Variants in PUM1 observed in about 807,000 individuals in gnomAD.
PUM1 encodes the protein pumilio homolog 1.
A neutral mutation model predicts 131.8 loss-of-function variants in PUM1; 13 were observed. The ratio of observed to expected loss-of-function variants is 0.10; its 90% CI spans 0.06 to 0.16. The LOEUF is 0.16. Among genes scored for constraint, PUM1 ranks in the 10% least tolerant of loss-of-function variants. The pLI is 1.00. For synonymous variants in PUM1, 509 were observed against 556.5 expected (o/e 0.91, Z 1.20); for missense variants, 961 against 1,512.4 (o/e 0.64, Z 6.05).
At chr1:31,013,822 G>A (rs766436760) in intron 3 of PUM1, among the ~76,000 whole-genome samples, 1 of 152,172 alleles carries the variant, frequency 6.6e-6, no homozygotes, top group Non-Finnish European at 1.5e-5. Flanking sequence ...ACAGACTGTT[G>A]TTGTGAAATC....
At chr1:31,062,449 G>A (rs913314397) in intron 1 of PUM1, among the ~76,000 whole-genome samples, 4 of 151,856 alleles carry the variant, frequency 2.6e-5, no homozygotes, top group African/African-American at 7.3e-5. Flanking sequence ...CTGAAACCCC[G>A]TCTCTACTAA....
intron 18 of PUM1, among the ~76,000 whole-genome samples, chr1:30,944,177 AT>A (rs1288494426): frequency 6.6e-6 from 1 of 152,284 alleles, no homozygotes; most frequent in East Asian, 1.9e-4. Flanking sequence ...GTGATCAACC[AT>A]TGTGGTCATT....
At chr1:30,967,112 C>T (rs972390425) in intron 12 of PUM1, 55 bp downstream of exon 12, 6 of 1,599,608 alleles carry the variant, frequency 3.8e-6, no homozygotes, top group Admixed American at 1.7e-5. Flanking sequence ...AAGAATCTCA[C>T]TATCAGTCGC....
intron 3 of PUM1, among the ~76,000 whole-genome samples, chr1:31,013,837 G>A (rs1484480179): frequency 2.0e-5 from 3 of 152,170 alleles, no homozygotes; most frequent in Non-Finnish European, 2.9e-5. Context: ...GAAATCAAGT[G>A]AGATAGTATA....
chr1:31,048,948 G>A (rs563931140), intron 2 of PUM1, among the ~76,000 whole-genome samples: 9 of 152,242 alleles, frequency 5.9e-5, no homozygotes, highest in East Asian at 1.9e-4. Context: ...GCTCACGCCT[G>A]TAATCCTAGT....
intron 3 of PUM1, among the ~76,000 whole-genome samples, chr1:31,008,278 A>G (rs966260213): frequency 6.6e-6 from 1 of 152,038 alleles, no homozygotes; most frequent in Non-Finnish European, 1.5e-5. Flanking sequence ...ATTTTCATCT[A>G]CCTTTAAGTG....
chr1:30,974,828 G>T, intron 9 of PUM1, 26 bp from the exon 10 acceptor site: 1 of 1,591,004 alleles, frequency 6.3e-7, no homozygotes, highest in South Asian at 1.1e-5. Context: ...GAAAGGTAAA[G>T]AAAGTCTGAA....
intron 2 of PUM1, among the ~76,000 whole-genome samples, chr1:31,056,621 T>C (rs1207083491): frequency 4.9e-5 from 5 of 101,228 alleles, no homozygotes; most frequent in Admixed American, 2.3e-4. Context: ...TTTTTTTTTT[T>C]TTTTTTTTTT....
chr1:31,006,252 A>AGCTTATCTGGTTTAACTAGCT (rs1642398291), intron 4 of PUM1, among the ~76,000 whole-genome samples: 1 of 152,216 alleles, frequency 6.6e-6, no homozygotes, highest in Admixed American at 6.5e-5. Context: ...CAGTTTATCT[A>AGCTTATCTGGTTTAACTAGCT]GCTTATCTGG....
In PUM1 at chr1:31,059,361, A is replaced by G. The variant is rs769044657; in HGVS notation, c.206T>C (p.Ile69Thr). ...GTHSSPVPGSIGVAGRSQDDA... is the reference protein window; with the variant it reads ...GTHSSPVPGSTGVAGRSQDDA... ...GTCCTGGGAACGGCCTGCAACTCCT[A>G]TAGATCCTGGGACAGGGCTGGAGTG... The change falls in exon 2 of 22, where the codon ATA becomes ACA. Residue 69 changes from isoleucine (I) to threonine (T), a missense_variant. By Grantham distance (89) the Ile-to-Thr change is moderately conservative (BLOSUM62 -1). This residue lies in a region of PUM1 where 654 missense variants were observed against 923.9 expected (regional missense o/e 0.71). Coordinates refer to ENST00000426105, the MANE Select transcript of PUM1 (RefSeq NM_001020658.2). The G allele has an allele frequency of 3.7e-6, 6 of 1,614,036 alleles. No homozygotes were observed. The South Asian group carries it at 5.5e-5, about 15-fold the overall frequency.
At chr1:31,057,753 A>G (rs1644278713) in intron 2 of PUM1, among the ~76,000 whole-genome samples, 1 of 148,212 alleles carries the variant, frequency 6.7e-6, no homozygotes, top group Non-Finnish European at 1.5e-5. Flanking sequence ...AAAAACAACT[A>G]TGGTTCACTT....
chr1:31,038,428 TC>T (rs1389637492), intron 2 of PUM1, among the ~76,000 whole-genome samples: 1 of 152,202 alleles, frequency 6.6e-6, no homozygotes, highest in Non-Finnish European at 1.5e-5. Context: ...GACACTACTT[TC>T]TACACTCTCC....
rs552693135 is a variant in PUM1 at position 30,948,600 on chromosome 1, C to T, written c.2856+1527G>A. On this transcript the variant is annotated intron_variant, in intron 17 of 21. Transcript: ENST00000426105. ...ACCCCATCTCTACCAAAAATACACA[C>T]ATTAACCAGGGGAAGTGGCGTATGC... Among the ~76,000 whole-genome samples, 11 of 152,190 alleles carry T rather than the reference C, an allele frequency of 7.2e-5. No homozygotes were observed. The South Asian group carries it at 2.3e-3, about 32-fold the overall frequency.
rs139870523 is a variant in PUM1, at chr1:30,940,031, C to G, written c.3242+1120G>C. Among the ~76,000 whole-genome samples, 240 of 152,184 alleles carry G rather than the reference C, an allele frequency of 1.6e-3. 1 individual carries two copies. The highest frequency in any genetic ancestry group is 5.7e-3 in the African/African-American group (237 of 41,498). ...GATCCCCATTCCTCAGTCCTGGCAACCGGTCAAAAGGAACCCCCCAAAACA... is the reference window on the plus strand; with the variant it reads ...GATCCCCATTCCTCAGTCCTGGCAAGCGGTCAAAAGGAACCCCCCAAAACA... On this transcript the variant is annotated intron_variant, in intron 20 of 21. Coordinates refer to ENST00000426105, the MANE Select transcript of PUM1 (RefSeq NM_001020658.2).
intron 3 of PUM1, among the ~76,000 whole-genome samples, chr1:31,021,956 A>G (rs1643043251): frequency 6.6e-6 from 1 of 152,154 alleles, no homozygotes; most frequent in Admixed American, 6.5e-5. Flanking sequence ...ATCTAAAAAA[A>G]AAAGGCATCA....
intron 1 of PUM1, among the ~76,000 whole-genome samples, chr1:31,064,820 G>A (rs1342764811): frequency 7.9e-6 from 1 of 126,800 alleles, no homozygotes; most frequent in Non-Finnish European, 1.6e-5. Flanking sequence ...TTCCTCACTT[G>A]ACGTGGGAAT....
chr1:31,049,692 T>C (rs1379177444), intron 2 of PUM1, among the ~76,000 whole-genome samples: 1 of 151,762 alleles, frequency 6.6e-6, no homozygotes, highest in Non-Finnish European at 1.5e-5. Context: ...AAAAATAAAA[T>C]TAAATTTAAA....
At chr1:30,958,396 A>G (rs2124426428) in intron 14 of PUM1, among the ~76,000 whole-genome samples, 1 of 152,344 alleles carries the variant, frequency 6.6e-6, no homozygotes, top group East Asian at 1.9e-4. Flanking sequence ...TTTCTGAAGT[A>G]ATGAACAACC....
Position 30,966,166 on chromosome 1 carries a change from C to T in PUM1, c.1902G>A (p.Gln634=), listed in dbSNP as rs1248279100. 6.2e-7 allele frequency: 1 copy of T among 1,614,102 alleles called. No homozygotes were observed. Among genetic ancestry groups the T allele is most frequent in the East Asian group, 2.2e-5 (1 of 44,878 alleles). Residue 634 remains glutamine, a synonymous_variant, in exon 13 of 22, where the codon CAG becomes CAA. Coordinates refer to ENST00000426105, the MANE Select transcript of PUM1 (RefSeq NM_001020658.2). ...GTQQPQPQPQ[Q]QPNNNLASSS... The stretch of plus-strand genomic sequence containing the variant: ...TGGATGCCAGGTTGTTATTGGGCTG[C>T]TGCTGGGGCTGGGGCTGAGGCTGCT...
Sources: gnomAD v4.1 joint callset for allele counts (sites outside exome capture counted in the v4.1 genomes callset) on GRCh38, gnomAD v4.1.1 for gene constraint, gnomAD v4.1.1 regional missense constraint, MANE v1.5 for transcripts, NCBI Gene and HGNC (gene_info 2026-07-23, HGNC 2026-07-21) for gene names.